ADCK2: variants seen among roughly 807,000 people sequenced by gnomAD.
ADCK2 encodes uncharacterized aarF domain-containing protein kinase 2.
In ADCK2, 37 loss-of-function variants were observed where a neutral mutation model predicts 52.3. The observed-to-expected ratio is 0.71, with a 90% CI of 0.54 to 0.93. ADCK2 has a LOEUF of 0.93. Ranked by LOEUF, ADCK2 falls within the 40% of genes least tolerant of loss-of-function variation. The probability of loss-of-function intolerance (pLI) is 0.00; values close to 1 mark genes in which losing one functional copy is unlikely to be tolerated. For missense variants in ADCK2, 695 were observed against 798.7 expected, an observed-to-expected ratio of 0.87 and a Z score of 1.56; for synonymous variants, 321 against 349.2, an observed-to-expected ratio of 0.92 and a Z score of 0.90.
At chr7:140,679,702 T>C (rs1331344473) in intron 3 of ADCK2, among the ~76,000 whole-genome samples, 1 of 127,256 alleles carries the variant, frequency 7.9e-6, no homozygotes, top group Non-Finnish European at 1.6e-5. Flanking sequence ...AGATAGAGTC[T>C]CACTCTGTTG....
intron 3 of ADCK2, among the ~76,000 whole-genome samples, chr7:140,680,359 C>T (rs1211715149): frequency 6.6e-6 from 1 of 151,822 alleles, no homozygotes; most frequent in East Asian, 1.9e-4. Context: ...CTCCCTGTTG[C>T]CCAGGCTGGT....
At chr7:140,694,628 G>A (rs1473364128) in intron 7 of ADCK2, 35 bp from the exon 8 acceptor site, 1 of 1,602,340 alleles carries the variant, frequency 6.2e-7, no homozygotes, top group East Asian at 2.2e-5. Flanking sequence ...GTATCAGCAT[G>A]TTCTGAGATG....
chr7:140,683,253 C>G (rs189636077), intron 4 of ADCK2, among the ~76,000 whole-genome samples: 66 of 152,232 alleles, frequency 4.3e-4, no homozygotes, highest in Non-Finnish European at 8.8e-4. Flanking sequence ...GCACTGCACT[C>G]CAGCCTGGCG....
chr7:140,684,155 C>T (rs1382723189), intron 4 of ADCK2, among the ~76,000 whole-genome samples: 1 of 152,092 alleles, frequency 6.6e-6, no homozygotes, highest in Non-Finnish European at 1.5e-5. Flanking sequence ...GTTAGGAGCC[C>T]AGAGCAGGAT....
At position 140,673,263 on chromosome 7, in the gene ADCK2, C is replaced by T. The variant is rs1158859794; in HGVS notation, c.-68C>T. The T allele has an allele frequency of 1.5e-6, 2 of 1,344,220 alleles. No individual in the cohort carries two copies. The highest frequency in any genetic ancestry group is 3.5e-5 in the Admixed American group (1 of 28,520). 83.3% of individuals were successfully genotyped at this position (1,344,220 alleles called of 1,614,324 possible). On this transcript the variant is annotated 5_prime_UTR_variant, in exon 1 of 8. Coordinates refer to ENST00000072869, the MANE Select transcript of ADCK2 (RefSeq NM_052853.4). This position sits in a 1 kb window ranked among gnomAD's most constrained non-coding sequence, Gnocchi z 6.4. The stretch of plus-strand genomic sequence containing the variant: ...GGTCAGGGCCGGGCTTCGGCTTCAC[C>T]GCAGCCTCGCCTGAGCGGGCGCCTC...
chr7:140,688,457 G>A (rs1794646981), intron 5 of ADCK2, among the ~76,000 whole-genome samples: 3 of 152,336 alleles, frequency 2.0e-5, no homozygotes, highest in East Asian at 3.9e-4. Context: ...GACAGGAGGC[G>A]AGGCTGCCCT....
intron 6 of ADCK2, 71 bp downstream of exon 6, chr7:140,689,796 C>T (rs1794674001): frequency 6.9e-6 from 10 of 1,439,670 alleles, no homozygotes; most frequent in Non-Finnish European, 9.2e-6. Context: ...GATCCTGGGT[C>T]TAAGGGAGAC....
In ADCK2 at chr7:140,674,684, G is replaced by T. The variant is rs1235408794; in HGVS notation, c.1007G>T (p.Gly336Val). The T allele has an allele frequency of 6.2e-7, 1 of 1,614,202 alleles. No homozygotes were observed. The highest frequency in any genetic ancestry group is 1.7e-5 in the Admixed American group (1 of 60,024). The change falls in exon 2 of 8, where the codon GGA becomes GTA. Residue 336 changes from glycine to valine, a missense_variant. By Grantham distance (109) the Gly-to-Val change is moderately radical. Coordinates refer to ENST00000072869, the MANE Select transcript of ADCK2 (RefSeq NM_052853.4). This position sits in a 1 kb window ranked among gnomAD's most constrained non-coding sequence, Gnocchi z 4.6. ...ATGAAGATTGGCAGCCGAGTCCTGG[G>T]AGTTTTGCCAGGCATCAAGTGGCTT... ...LLMKIGSRVL[G>V]VLPGIKWLSL...
intron 7 of ADCK2, among the ~76,000 whole-genome samples, chr7:140,694,130 C>T (rs866199390): frequency 6.6e-6 from 1 of 152,186 alleles, no homozygotes; most frequent in Non-Finnish European, 1.5e-5. Flanking sequence ...AGATCAGCCT[C>T]GTCAACATTG....
intron 2 of ADCK2, 58 bp from the exon 3 acceptor site, chr7:140,679,097 G>A (rs574531493): frequency 6.3e-7 from 1 of 1,590,682 alleles, no homozygotes; most frequent in Non-Finnish European, 8.6e-7. Context: ...TGGCATTGCA[G>A]ATGTCACTGT....
intron 3 of ADCK2, 56 bp downstream of exon 3, chr7:140,679,339 C>T (rs923339706): frequency 1.4e-5 from 23 of 1,599,038 alleles, no homozygotes; most frequent in African/African-American, 2.7e-5. Flanking sequence ...GCAGTGGGCC[C>T]GTCTCCAGCC....
Position 140,673,581 on chromosome 7 carries a change from T to A in ADCK2, c.251T>A (p.Leu84His). The change falls in exon 1 of 8, where the codon CTC (leucine) becomes CAC (histidine). Residue 84 changes from leucine (L) to histidine (H), a missense_variant. By Grantham distance (99) the Leu-to-His change is moderately conservative. Coordinates refer to ENST00000072869, the MANE Select transcript of ADCK2 (RefSeq NM_052853.4). The surrounding 1 kb of genome is among the most constrained non-coding windows in gnomAD (Gnocchi z 6.4). ...GAAGAGPAESLPRAGPLGGVF... is the reference protein window; with the variant it reads ...GAAGAGPAESHPRAGPLGGVF... Reference sequence around the variant, plus strand: ...GCTGGCGCGGGGCCCGCGGAGAGCCTCCCCCGAGCGGGACCTCTGGGCGGC... The same window carrying A: ...GCTGGCGCGGGGCCCGCGGAGAGCCACCCCCGAGCGGGACCTCTGGGCGGC... 1 of 1,603,948 alleles carries A rather than the reference T, an allele frequency of 6.2e-7. No homozygotes were observed. The highest frequency in any genetic ancestry group is 8.5e-7 in the Non-Finnish European group (1 of 1,178,628).
intron 4 of ADCK2, among the ~76,000 whole-genome samples, chr7:140,683,668 G>T (rs534315719): frequency 3.3e-4 from 50 of 152,314 alleles, no homozygotes; most frequent in African/African-American, 1.2e-3. Context: ...TTTCACAAAG[G>T]CCAGAGCCGT....
rs1204709734 is a variant in ADCK2, at chr7:140,689,030, C to T, written c.1558-567C>T. ...TTCCCTGGGCTGGAGTGCAGTGGTA[C>T]GATCTCAGCTCACTGCAACCTCTAC... On this transcript the variant is annotated intron_variant, in intron 5 of 7. Coordinates refer to ENST00000072869, the MANE Select transcript of ADCK2 (RefSeq NM_052853.4). Among the ~76,000 whole-genome samples the T allele has an allele frequency of 5.3e-5, 8 of 151,244 alleles. No individual in the cohort carries two copies. In the South Asian group the frequency reaches 6.2e-4, roughly 12 times the overall value.
At position 140,685,947 on chromosome 7, in the gene ADCK2, C is replaced by T. The variant is rs147905219; in HGVS notation, c.1306-1043C>T. Reference sequence around the variant, plus strand: ...CAGCTTAGCAGGTTCAAAGCCGTGTCCTTCCTGCTCCTCTAATTCTGCATA... The same window carrying T: ...CAGCTTAGCAGGTTCAAAGCCGTGTTCTTCCTGCTCCTCTAATTCTGCATA... On this transcript the variant is annotated intron_variant, in intron 4 of 7. Coordinates refer to ENST00000072869, the MANE Select transcript of ADCK2 (RefSeq NM_052853.4). Among the ~76,000 whole-genome samples, 292 of 152,266 alleles carry T rather than the reference C, an allele frequency of 1.9e-3. 2 individuals are homozygous for T. The highest frequency in any genetic ancestry group is 3.1e-3 in the Non-Finnish European group (212 of 68,040).
Position 140,694,900 on chromosome 7 carries a change from A to G in ADCK2, c.*97A>G. The G allele has an allele frequency of 6.7e-7, 1 of 1,485,050 alleles. No homozygotes were observed. Among genetic ancestry groups the G allele is most frequent in the African/African-American group, 1.4e-5 (1 of 71,488 alleles). The allele number at this position is 1,485,050 out of a possible 1,614,324, so 92.0% of individuals were successfully genotyped here. A position where few individuals can be genotyped will look rare whatever the true frequency, so the allele number is the denominator to read the frequency against. The stretch of plus-strand genomic sequence containing the variant: ...GGGACGTTTTAAAATTGGGACACCA[A>G]TTTCAAATGTAACCCTCCAGTGGTG... On this transcript the variant is annotated 3_prime_UTR_variant, in exon 8 of 8. Transcript: ENST00000072869.
intron 4 of ADCK2, among the ~76,000 whole-genome samples, chr7:140,683,068 C>T (rs1438093260): frequency 1.3e-5 from 2 of 150,792 alleles, no homozygotes; most frequent in South Asian, 2.1e-4. Flanking sequence ...TTTGGGAGGC[C>T]GAGGCAGGTG....
In ADCK2 at chr7:140,687,261, C is replaced by T. The variant is rs1304722177; in HGVS notation, c.1557+20C>T. On this transcript the variant is annotated intron_variant, in intron 5 of 7. Transcript: ENST00000072869. ...GGGCAGGTGAGACGCACTGGGACCACAGAAGTTGGGGTGAATTTTTTTTAA... is the reference window on the plus strand; with the variant it reads ...GGGCAGGTGAGACGCACTGGGACCATAGAAGTTGGGGTGAATTTTTTTTAA... 3 of 1,533,010 alleles carry T rather than the reference C, an allele frequency of 2.0e-6. No homozygotes were observed. In the South Asian group the frequency reaches 3.6e-5, roughly 18 times the overall value. 95.0% of individuals were successfully genotyped at this position (1,533,010 alleles called of 1,614,324 possible).
At chr7:140,675,984 G>T (rs1377888806) in intron 2 of ADCK2, among the ~76,000 whole-genome samples, 1 of 152,324 alleles carries the variant, frequency 6.6e-6, no homozygotes, top group Middle Eastern at 3.4e-3. Context: ...CCGAGTATTT[G>T]TTTGGAGGCT....
Sources: gnomAD v4.1 joint callset for allele counts (sites outside exome capture counted in the v4.1 genomes callset) on GRCh38, gnomAD v4.1.1 for gene constraint, Gnocchi (gnomAD v3.1) non-coding constraint, MANE v1.5 for transcripts, NCBI Gene and HGNC (gene_info 2026-07-23, HGNC 2026-07-21) for gene names.